Variants in KCNG2 observed in about 807,000 individuals in gnomAD.
The protein encoded by KCNG2 is potassium voltage-gated channel modifier subfamily G member 2, also known as voltage-gated potassium channel regulatory subunit KCNG2.
In KCNG2, 7 loss-of-function variants were observed where a neutral mutation model predicts 12.3. The ratio of observed to expected loss-of-function variants is 0.57; its 90% CI spans 0.32 to 1.07. The LOEUF (loss-of-function observed/expected upper bound fraction) is 1.07, where lower values mean the gene tolerates loss of function less well. Ranked by LOEUF, KCNG2 falls within the 50% of genes least tolerant of loss-of-function variation. The pLI, the probability that KCNG2 is intolerant of heterozygous loss-of-function variation, is 0.04. For synonymous variants in KCNG2, 414 were observed against 351.4 expected, an observed-to-expected ratio of 1.18 and a Z score of -1.99; for missense variants, 703 against 726.0, an observed-to-expected ratio of 0.97 and a Z score of 0.36.
chr18:79,889,658 C>T (rs762019623), intron 3 of KCNG2, among the ~76,000 whole-genome samples: 2 of 152,188 alleles, frequency 1.3e-5, no homozygotes, highest in Non-Finnish European at 2.9e-5. Flanking sequence ...TTTCTATATA[C>T]GAGGTCCTGT....
intron 3 of KCNG2, among the ~76,000 whole-genome samples, chr18:79,874,615 C>T (rs1259725952): frequency 6.6e-6 from 1 of 152,250 alleles, no homozygotes; most frequent in Non-Finnish European, 1.5e-5. Flanking sequence ...ATAAGCTTCC[C>T]CTTGGGTTCA....
intron 2 of KCNG2, among the ~76,000 whole-genome samples, chr18:79,861,274 T>TC (rs1491127293): frequency 5.2e-4 from 2 of 3,820 alleles, no homozygotes; most frequent in Non-Finnish European, 4.5e-3. Context: ...TCTCTCTCTC[T>TC]TTTTTTTTTT....
intron 3 of KCNG2, among the ~76,000 whole-genome samples, chr18:79,883,075 A>G (rs1016831833): frequency 2.0e-5 from 3 of 152,242 alleles, no homozygotes; most frequent in Admixed American, 2.0e-4. Context: ...GGCCGGTGCC[A>G]GATCAATCCC....
chr18:79,899,694 C>T lies in KCNG2; in HGVS notation c.1279C>T (p.Pro427Ser), dbSNP rs758043184. The T allele has an allele frequency of 6.2e-7, 1 of 1,607,500 alleles. No individual in the cohort carries two copies. Among genetic ancestry groups the T allele is most frequent in the African/African-American group, 1.3e-5 (1 of 74,324 alleles). The change falls in exon 4 of 4, where the codon CCG becomes TCG. Residue 427 changes from proline (P) to serine (S), a missense_variant. Transcript: ENST00000316249. ...EQQQRAASPE[P>S]ALQEDSTHSA... is the part of the protein sequence containing the mutation. ...GCAGCAGCGCGCGGCCAGCCCCGAG[C>T]CGGCCCTGCAGGAGGACAGCACGCA...
chr18:79,829,603 C>T (rs757778726), intron 1 of KCNG2, among the ~76,000 whole-genome samples: 32 of 152,098 alleles, frequency 2.1e-4, no homozygotes, highest in Non-Finnish European at 3.7e-4. Context: ...TGCCTCACAC[C>T]GGTCCTTCTC....
chr18:79,879,821 GAAA>G (rs1953398963), intron 3 of KCNG2, among the ~76,000 whole-genome samples: 1 of 152,064 alleles, frequency 6.6e-6, no homozygotes, highest in African/African-American at 2.4e-5. Flanking sequence ...AAACTTCAGG[GAAA>G]AAAGAATATT....
At position 79,803,143 on chromosome 18, in the gene KCNG2, A is replaced by G. The variant is rs945034804; in HGVS notation, c.-115+5129A>G. On this transcript the variant is annotated intron_variant, in intron 1 of 3. Transcript: ENST00000316249. This position sits in a 1 kb window ranked among gnomAD's most constrained non-coding sequence, Gnocchi z 4.5. The stretch of plus-strand genomic sequence containing the variant: ...CAGTGAGCCGAGATCGCGCCACTGC[A>G]CTCCAGCCTGGGTGACAGAGCAAGA... 6.6e-6 allele frequency among the ~76,000 whole-genome samples: 1 copy of G among 152,054 alleles called. No individual in the cohort carries two copies. Among genetic ancestry groups the G allele is most frequent in the Non-Finnish European group, 1.5e-5 (1 of 68,000 alleles).
chr18:79,883,660 A>G (rs1980406191), intron 3 of KCNG2, among the ~76,000 whole-genome samples: 1 of 152,190 alleles, frequency 6.6e-6, no homozygotes, highest in African/African-American at 2.4e-5. Flanking sequence ...CTTCTAGTGA[A>G]CGATGAGGAG....
At position 79,845,638 on chromosome 18, in the gene KCNG2, C is replaced by T. The variant is rs150081065; in HGVS notation, c.-114-10741C>T. On this transcript the variant is annotated intron_variant, in intron 1 of 3. Transcript: ENST00000316249. The stretch of plus-strand genomic sequence containing the variant: ...AATTGAAAAATAATTGTCAATTTCT[C>T]AGTCAAAAACATGGCTAAAAATGGA... 2.0e-4 allele frequency among the ~76,000 whole-genome samples: 31 copies of T among 152,290 alleles called. 1 individual carries two copies. The East Asian group carries it at 5.8e-3, about 28-fold the overall frequency.
intron 3 of KCNG2, among the ~76,000 whole-genome samples, chr18:79,866,199 T>C (rs1242348174): frequency 6.8e-6 from 1 of 146,494 alleles, no homozygotes; most frequent in South Asian, 2.2e-4. Context: ...GGCTGAAGTC[T>C]GCGTGCTGAG....
chr18:79,876,707 C>T (rs1286353632), intron 3 of KCNG2, among the ~76,000 whole-genome samples: 2 of 152,248 alleles, frequency 1.3e-5, no homozygotes, highest in Non-Finnish European at 2.9e-5. Context: ...ACACCCTTGG[C>T]ACCGTGAGCA....
intron 3 of KCNG2, among the ~76,000 whole-genome samples, chr18:79,897,058 G>A (rs1305675895): frequency 2.0e-5 from 3 of 152,140 alleles, no homozygotes; most frequent in East Asian, 1.9e-4. Flanking sequence ...GTCCACCTGC[G>A]GGCCTCTGTG....
chr18:79,870,264 G>A (rs1261529157), intron 3 of KCNG2, among the ~76,000 whole-genome samples: 5 of 152,254 alleles, frequency 3.3e-5, no homozygotes, highest in Non-Finnish European at 7.3e-5. Context: ...TAATGGCTGC[G>A]GAATAATCGG....
intron 1 of KCNG2, among the ~76,000 whole-genome samples, 27 bp from the exon 2 acceptor site, chr18:79,856,352 G>T (rs1278700689): frequency 6.6e-6 from 1 of 152,192 alleles, no homozygotes; most frequent in African/African-American, 2.4e-5. Flanking sequence ...CTGTCCCTTA[G>T]GGTGAAACTG....
intron 1 of KCNG2, among the ~76,000 whole-genome samples, chr18:79,814,994 C>T (rs1568243369): frequency 6.6e-6 from 1 of 151,174 alleles, no homozygotes; most frequent in Non-Finnish European, 1.5e-5. Flanking sequence ...AGGAAGTCTT[C>T]CCAGAGAAAA....
intron 3 of KCNG2, among the ~76,000 whole-genome samples, chr18:79,894,536 C>G (rs1453677397): frequency 1.3e-5 from 2 of 151,626 alleles, no homozygotes; most frequent in Non-Finnish European, 2.9e-5. Context: ...GTTGTTCACT[C>G]CATTCATAAC....
chr18:79,847,531 A>G (rs1978666891), intron 1 of KCNG2, among the ~76,000 whole-genome samples: 1 of 152,224 alleles, frequency 6.6e-6, no homozygotes, highest in Non-Finnish European at 1.5e-5. Flanking sequence ...GGTCTTGCTC[A>G]TGTAGATTAA....
intron 1 of KCNG2, among the ~76,000 whole-genome samples, chr18:79,813,015 T>A (rs1028161094): frequency 4.0e-5 from 6 of 150,198 alleles, no homozygotes; most frequent in Non-Finnish European, 8.9e-5. Flanking sequence ...ATTAGCCGAG[T>A]GTGGTGGCGG....
At chr18:79,857,819 G>A (rs1188825552) in intron 2 of KCNG2, among the ~76,000 whole-genome samples, 1 of 151,628 alleles carries the variant, frequency 6.6e-6, no homozygotes, top group Non-Finnish European at 1.5e-5. Context: ...GCACGATTCT[G>A]TGGTTTTTAG....
Sources: allele counts gnomAD v4.1 joint callset (sites outside exome capture counted in the v4.1 genomes callset), GRCh38; gene constraint gnomAD v4.1.1; non-coding constraint Gnocchi (gnomAD v3.1); transcripts MANE v1.5; gene names NCBI Gene and HGNC (gene_info 2026-07-23, HGNC 2026-07-21).